CXCL12: variants seen among roughly 807,000 people sequenced by gnomAD.
The protein encoded by CXCL12 is stromal cell-derived factor 1.
In CXCL12, 4 loss-of-function variants were observed where a neutral mutation model predicts 10.7. The observed-to-expected ratio is 0.37, with a 90% confidence interval of 0.18 to 0.86. The LOEUF (loss-of-function observed/expected upper bound fraction) is 0.86. CXCL12 is among the 40% of genes least tolerant of loss of function. The probability of loss-of-function intolerance (pLI) is 0.43; values close to 1 mark genes in which losing one functional copy is unlikely to be tolerated. For missense variants in CXCL12, 122 were observed against 110.4 expected (o/e 1.10, Z -0.47); for synonymous variants, 54 against 45.4 (o/e 1.19, Z -0.77).
At chr10:44,380,940 TC>T in intron 1 of CXCL12, 60 bp from the exon 2 acceptor site, 4 of 1,359,082 alleles carry the variant, frequency 2.9e-6, no homozygotes, top group Non-Finnish European at 4.2e-6. Context: ...GTAATGTGTG[TC>T]TGGGCTGCAG....
At chr10:44,381,940 G>C (rs1400392538) in intron 1 of CXCL12, among the ~76,000 whole-genome samples, 1 of 152,010 alleles carries the variant, frequency 6.6e-6, no homozygotes, top group Non-Finnish European at 1.5e-5. Flanking sequence ...CTGAAATTCT[G>C]CACCTTTGGG....
intron 1 of CXCL12, 59 bp downstream of exon 1, chr10:44,384,886 C>A (rs1268941188): frequency 3.4e-6 from 5 of 1,486,582 alleles, no homozygotes; most frequent in Non-Finnish European, 4.5e-6. Context: ...CGCGGCTCTG[C>A]GCCGGGCGGG....
downstream of CXCL12, chr10:44,376,075 C>A (rs540757037): frequency 5.9e-5 from 94 of 1,584,528 alleles, 1 homozygote; most frequent in South Asian, 9.8e-4. Context: ...TGGAAATAAA[C>A]AAAAGTTCGT....
chr10:44,380,948 G>A lies in CXCL12; in HGVS notation c.62-68C>T, dbSNP rs1323862117. ...GATTTTGGTAATGTGTGTCTGGGCT[G>A]CAGCAGTTGGTGCAGCGATTAAGGA... On this transcript the variant is annotated intron_variant, in intron 1 of 2. Transcript: ENST00000343575. 3 of 1,240,990 alleles carry A rather than the reference G, an allele frequency of 2.4e-6. No individual in the cohort carries two copies. The Admixed American group carries it at 5.0e-5, about 21-fold the overall frequency. The allele number at this position is 1,240,990 out of a possible 1,614,324, so 76.9% of individuals were successfully genotyped here. A position where few individuals can be genotyped will look rare whatever the true frequency, so the allele number is the denominator to read the frequency against.
At chr10:44,379,868 TAACA>T (rs1839573987) in intron 2 of CXCL12, among the ~76,000 whole-genome samples, 1 of 152,130 alleles carries the variant, frequency 6.6e-6, no homozygotes, top group African/African-American at 2.4e-5. Context: ...ATACTGTAAA[TAACA>T]AACACATTCA....
At chr10:44,375,654 C>CA (rs1160101411), downstream of CXCL12, among the ~76,000 whole-genome samples, 1 of 152,244 alleles carries the variant, frequency 6.6e-6, no homozygotes, top group Non-Finnish European at 1.5e-5. Flanking sequence ...CTGGAGCTCC[C>CA]AGGCTATTCT....
At chr10:44,374,784 C>T (rs1839410135), downstream of CXCL12, 1 of 421,766 alleles carries the variant, frequency 2.4e-6, no homozygotes, top group African/African-American at 2.0e-5. Flanking sequence ...AAATTATGAC[C>T]CAGGATCCGG....
chr10:44,373,336 T>G (rs550190047), downstream of CXCL12: 4 of 1,607,982 alleles, frequency 2.5e-6, no homozygotes, highest in South Asian at 4.5e-5. Context: ...TCTCACATCT[T>G]GAACCTCCTG....
downstream of CXCL12, chr10:44,373,138 T>G: frequency 3.9e-6 from 6 of 1,534,528 alleles, no homozygotes; most frequent in South Asian, 4.9e-5. Flanking sequence ...ATAATCAAAC[T>G]AAATGAAAAA....
chr10:44,373,323 C>G (rs1433587274), downstream of CXCL12: 3 of 1,607,876 alleles, frequency 1.9e-6, no homozygotes, highest in Admixed American at 3.4e-5. Context: ...AGGCGTCTGA[C>G]CCTCTCACAT....
chr10:44,382,330 A>C (rs935024206), intron 1 of CXCL12, among the ~76,000 whole-genome samples: 2 of 152,122 alleles, frequency 1.3e-5, no homozygotes, highest in Non-Finnish European at 2.9e-5. Context: ...TGGGAAAGCC[A>C]CCCCCAGGGC....
chr10:44,384,042 GA>G (rs1271098282), intron 1 of CXCL12, among the ~76,000 whole-genome samples: 2 of 152,206 alleles, frequency 1.3e-5, no homozygotes, highest in East Asian at 3.8e-4. Flanking sequence ...CGAAAGAAAA[GA>G]AAAAAGCCCT....
rs1839483139 is a variant in CXCL12 at position 44,377,259 on chromosome 10, A to G, written c.*1374T>C. On this transcript the variant is annotated 3_prime_UTR_variant, in exon 3 of 3. Transcript: ENST00000343575. ...CTGCAATCACATTTATATATCATAT[A>G]TATTTCTTTACAAATTGCCAGTAGT... The G allele has an allele frequency of 1.0e-6, 1 of 1,001,958 alleles. No homozygotes were observed. The highest frequency in any genetic ancestry group is 5.5e-5 in the Admixed American group (1 of 18,178). 62.1% of individuals were successfully genotyped at this position (1,001,958 alleles called of 1,614,324 possible). A position where few individuals can be genotyped will look rare whatever the true frequency, so the allele number is the denominator to read the frequency against.
downstream of CXCL12, chr10:44,372,960 G>C: frequency 6.5e-7 from 1 of 1,535,992 alleles, no homozygotes; most frequent in Non-Finnish European, 8.7e-7. Context: ...CCCTAGGGCT[G>C]ACCATGGGGC....
At chr10:44,373,184 G>A (rs1839358713), downstream of CXCL12, 4 of 1,539,926 alleles carry the variant, frequency 2.6e-6, no homozygotes, top group African/African-American at 2.8e-5. Flanking sequence ...ATCAAATGGT[G>A]AAAATATGGC....
chr10:44,373,051 C>G, downstream of CXCL12: 2 of 1,536,106 alleles, frequency 1.3e-6, no homozygotes, highest in Non-Finnish European at 1.7e-6. Context: ...AGGAGTGGCT[C>G]CGTGGAAAGA....
At position 44,378,087 on chromosome 10, in the gene CXCL12, G is replaced by A. The variant is rs943811497; in HGVS notation, c.*546C>T. 6.3e-5 allele frequency: 92 copies of A among 1,452,820 alleles called. No individual in the cohort carries two copies. Among genetic ancestry groups the A allele is most frequent in the Non-Finnish European group, 8.0e-5 (89 of 1,111,096 alleles). 90.0% of individuals were successfully genotyped at this position (1,452,820 alleles called of 1,614,324 possible). Reference sequence around the variant, plus strand: ...AAGGCAGTGGCGGCGCCCAGCCCCAGTCGGTATCTGAGTGCCACAGAGGCC... The same window carrying A: ...AAGGCAGTGGCGGCGCCCAGCCCCAATCGGTATCTGAGTGCCACAGAGGCC... On this transcript the variant is annotated 3_prime_UTR_variant, in exon 3 of 3. Transcript: ENST00000343575.
rs1163966654 is a variant in CXCL12 at position 44,378,587 on chromosome 10, T to G, written c.*46A>C. On this transcript the variant is annotated 3_prime_UTR_variant, in exon 3 of 3. Coordinates refer to ENST00000343575, the MANE Select transcript of CXCL12 (RefSeq NM_199168.4). ...CCTTTCATCTCTCACAAGGTTTTAG[T>G]TTTCCTCGAGTGGGTCTAGCGGAAA... 16 of 1,613,416 alleles carry G rather than the reference T, an allele frequency of 9.9e-6. 1 individual carries two copies. The highest frequency in any genetic ancestry group is 1.3e-5 in the Non-Finnish European group (15 of 1,179,574).
At chr10:44,384,583 G>A (rs889728437) in intron 1 of CXCL12, among the ~76,000 whole-genome samples, 3 of 152,218 alleles carry the variant, frequency 2.0e-5, no homozygotes, top group Non-Finnish European at 4.4e-5. Context: ...GCCCGCAGCG[G>A]GAAGGCAGTG....
Sources: gnomAD v4.1 joint callset for allele counts (sites outside exome capture counted in the v4.1 genomes callset) on GRCh38, gnomAD v4.1.1 for gene constraint, MANE v1.5 for transcripts, NCBI Gene and HGNC (gene_info 2026-07-23, HGNC 2026-07-21) for gene names.